Variants in CALN1 observed in about 807,000 individuals in gnomAD.
The protein encoded by CALN1 is calcium-binding protein 8.
Under a neutral mutation model 30.6 loss-of-function variants are expected in CALN1, and 17 were observed. The ratio of observed to expected loss-of-function variants is 0.56; its 90% confidence interval spans 0.38 to 0.83. CALN1 has a LOEUF of 0.83. Among genes scored for constraint, CALN1 ranks in the 40% least tolerant of loss-of-function variants. The pLI is 0.00. For synonymous variants in CALN1, 156 were observed against 131.4 expected, an observed-to-expected ratio of 1.19 and a Z score of -1.28; for missense variants, 291 against 354.9, an observed-to-expected ratio of 0.82 and a Z score of 1.45.
intron 6 of CALN1, among the ~76,000 whole-genome samples, chr7:71,792,884 A>G (rs1301389501): frequency 6.6e-6 from 1 of 152,016 alleles, no homozygotes; most frequent in East Asian, 1.9e-4. Context: ...CAAGGTTACC[A>G]GCAACAGGGA....
At chr7:72,409,429 G>A (rs536868452) in intron 1 of CALN1, among the ~76,000 whole-genome samples, 1 of 148,848 alleles carries the variant, frequency 6.7e-6, no homozygotes, top group South Asian at 2.2e-4. Context: ...TCAGAGGCTG[G>A]CGCAGAGTAT....
chr7:72,428,394 A>AT (rs1198296815), intron 1 of CALN1, among the ~76,000 whole-genome samples: 13 of 142,772 alleles, frequency 9.1e-5, no homozygotes, highest in Middle Eastern at 7.0e-3. Flanking sequence ...ATTTTATTTT[A>AT]TTATTTTTTT....
chr7:72,400,504 A>T (rs1445715731), intron 2 of CALN1, among the ~76,000 whole-genome samples: 1 of 152,160 alleles, frequency 6.6e-6, no homozygotes, highest in Non-Finnish European at 1.5e-5. Context: ...CTCTGACACT[A>T]GCTCTTGTTC....
At chr7:72,466,901 G>GAGAA in the CALN1 span, among the ~76,000 whole-genome samples, 4 of 151,764 alleles carry the variant, frequency 2.6e-5, no homozygotes, top group South Asian at 4.2e-4. Context: ...GAAAAAGAAA[G>GAGAA]AGAAAGAAAG....
intron 5 of CALN1, among the ~76,000 whole-genome samples, chr7:71,896,906 T>A (rs564302585): frequency 6.6e-6 from 1 of 152,180 alleles, no homozygotes; most frequent in African/African-American, 2.4e-5. Context: ...CTGCAGAGCA[T>A]TGCATGTTTG....
Position 72,288,482 on chromosome 7 carries a change from G to A in CALN1, c.120-9672C>T, listed in dbSNP as rs532348949. On this transcript the variant is annotated intron_variant, in intron 2 of 6. Coordinates refer to ENST00000395275, the MANE Select transcript of CALN1 (RefSeq NM_031468.4). ...TGTCACTGAATACAGCCAACACTTA[G>A]GGGGAAAGGAATTAGACTCCACCTT... is the stretch of plus-strand genomic sequence containing the variant. 2.0e-5 allele frequency among the ~76,000 whole-genome samples: 3 copies of A among 152,218 alleles called. No individual in the cohort carries two copies. In the South Asian group the frequency reaches 6.2e-4, roughly 32 times the overall value.
intron 4 of CALN1, among the ~76,000 whole-genome samples, chr7:72,075,751 G>T (rs1308747460): frequency 6.6e-6 from 1 of 152,172 alleles, no homozygotes; most frequent in Non-Finnish European, 1.5e-5. Context: ...TGCTCCTTTT[G>T]TCTGATAGCT....
At chr7:72,173,886 C>T (rs1789153965) in intron 3 of CALN1, among the ~76,000 whole-genome samples, 1 of 142,948 alleles carries the variant, frequency 7.0e-6, no homozygotes, top group African/African-American at 2.5e-5. Flanking sequence ...TAAAGATTAT[C>T]TAGATAGCAC....
chr7:71,972,081 A>C (rs1380028396), intron 5 of CALN1, among the ~76,000 whole-genome samples: 4 of 152,078 alleles, frequency 2.6e-5, no homozygotes, highest in African/African-American at 7.2e-5. Context: ...AACCCAACTA[A>C]AAAGAGGTGA....
intron 4 of CALN1, among the ~76,000 whole-genome samples, chr7:72,032,723 C>T (rs6955049): frequency 0.14 from 21,373 of 151,654 alleles, 2,351 homozygotes; most frequent in East Asian, 0.34. Flanking sequence ...CTTAAATCGC[C>T]TCTTTGTCTG....
chr7:72,223,980 A>G (rs1793491087), intron 3 of CALN1, among the ~76,000 whole-genome samples: 1 of 152,162 alleles, frequency 6.6e-6, no homozygotes, highest in African/African-American at 2.4e-5. Context: ...TGGGAACAAC[A>G]GACAGTGGGG....
rs573405275 is a variant in CALN1 at position 71,786,195 on chromosome 7, G to C, written c.*1580C>G. On this transcript the variant is annotated 3_prime_UTR_variant, in exon 7 of 7. Coordinates refer to ENST00000395275, the MANE Select transcript of CALN1 (RefSeq NM_031468.4). The stretch of plus-strand genomic sequence containing the variant: ...GGGAGGGAGATCAGGAACACACAAC[G>C]CACCAAAAAATCCTACCCACTGCAT... 5.2e-4 allele frequency: 79 copies of C among 152,320 alleles called. No homozygotes were observed. The highest frequency in any genetic ancestry group is 1.9e-3 in the African/African-American group (79 of 41,538). 9.4% of individuals were successfully genotyped at this position (152,320 alleles called of 1,614,324 possible).
In CALN1 at chr7:71,980,777, C is replaced by T. The variant is rs1365092713; in HGVS notation, c.501+42880G>A. Among the ~76,000 whole-genome samples, 3 of 151,892 alleles carry T rather than the reference C, an allele frequency of 2.0e-5. No individual in the cohort carries two copies. The East Asian group carries it at 5.8e-4, about 29-fold the overall frequency. ...AAATTGCCCTGAAACTGAAGGCCTGCTGACTTCGGGTACAGAAACAGAGAG... is the reference window on the plus strand; with the variant it reads ...AAATTGCCCTGAAACTGAAGGCCTGTTGACTTCGGGTACAGAAACAGAGAG... On this transcript the variant is annotated intron_variant, in intron 5 of 6. Coordinates refer to ENST00000395275, the MANE Select transcript of CALN1 (RefSeq NM_031468.4).
chr7:72,461,133 AC>A, the CALN1 span, among the ~76,000 whole-genome samples: 1 of 152,140 alleles, frequency 6.6e-6, no homozygotes, highest in East Asian at 1.9e-4. Context: ...CATGAACCGG[AC>A]CCACGAAGGG....
chr7:72,198,338 A>G (rs1420275307), intron 3 of CALN1, among the ~76,000 whole-genome samples: 1 of 152,202 alleles, frequency 6.6e-6, no homozygotes, highest in Non-Finnish European at 1.5e-5. Context: ...CTCTTTACAT[A>G]ATCAATTTGA....
chr7:72,216,567 C>G (rs940902835), intron 3 of CALN1, among the ~76,000 whole-genome samples: 21 of 152,080 alleles, frequency 1.4e-4, no homozygotes, highest in Non-Finnish European at 1.6e-4. Context: ...GAAGAGTCAG[C>G]GTGGGGCCAG....
intron 3 of CALN1, among the ~76,000 whole-genome samples, chr7:72,132,211 T>G (rs1809199270): frequency 6.6e-6 from 1 of 152,168 alleles, no homozygotes; most frequent in Non-Finnish European, 1.5e-5. Context: ...ACACCTAACC[T>G]ACTGAACATC....
chr7:72,118,526 T>C (rs893865522), intron 3 of CALN1, among the ~76,000 whole-genome samples: 3 of 152,220 alleles, frequency 2.0e-5, no homozygotes, highest in African/African-American at 7.2e-5. Flanking sequence ...CCTGGACAGA[T>C]TAAGCTGAAT....
At position 72,215,593 on chromosome 7, in the gene CALN1, CAA is replaced by C. The variant is rs35459723; in HGVS notation, c.244+63091_244+63092del. ...GGGTGACAAGAGCGAAACTCCTGCT[CAA>C]AAAAAAAAAAAAAAAAGGCAAAGGA... On this transcript the variant is annotated intron_variant, in intron 3 of 6. Coordinates refer to ENST00000395275, the MANE Select transcript of CALN1 (RefSeq NM_031468.4). Among the ~76,000 whole-genome samples, 370 of 76,950 alleles carry C rather than the reference CAA, an allele frequency of 4.8e-3. 3 individuals are homozygous for C. The highest frequency in any genetic ancestry group is 0.013 in the African/African-American group (338 of 25,238). 50.5% of individuals were successfully genotyped at this position (76,950 alleles called of 152,430 possible).
Sources: allele counts gnomAD v4.1 joint callset (sites outside exome capture counted in the v4.1 genomes callset), GRCh38; gene constraint gnomAD v4.1.1; transcripts MANE v1.5; gene names NCBI Gene and HGNC (gene_info 2026-07-23, HGNC 2026-07-21).